Variants in SLC30A8 observed in about 807,000 individuals in gnomAD.
The protein encoded by SLC30A8 is solute carrier family 30 member 8.
In SLC30A8, 27 loss-of-function variants were observed where a neutral mutation model predicts 36.9. That is an observed-to-expected ratio of 0.73 (90% CI 0.54 to 1.01). The LOEUF (loss-of-function observed/expected upper bound fraction) is 1.01. Ranked by LOEUF, SLC30A8 falls within the 50% of genes least tolerant of loss-of-function variation. The pLI is 0.00. For missense variants in SLC30A8, 439 were observed against 452.0 expected (o/e 0.97, Z 0.26); for synonymous variants, 164 against 172.4 (o/e 0.95, Z 0.38).
chr8:117,132,160 G>T (rs980567949), upstream of SLC30A8, among the ~76,000 whole-genome samples: 2 of 151,976 alleles, frequency 1.3e-5, no homozygotes, highest in African/African-American at 4.8e-5. Context: ...TAAATATGGG[G>T]AACACAAATT....
At chr8:117,084,142 G>C (rs1016903372) in intron 2 of SLC30A8, among the ~76,000 whole-genome samples, 3 of 152,076 alleles carry the variant, frequency 2.0e-5, no homozygotes, top group East Asian at 1.9e-4. Flanking sequence ...GTACAACAAG[G>C]CTCCTTATTT....
Position 117,172,736 on chromosome 8 carries a change from T to C in SLC30A8, c.*55T>C. On this transcript the variant is annotated 3_prime_UTR_variant, in exon 8 of 8. Coordinates refer to ENST00000456015, the MANE Select transcript of SLC30A8 (RefSeq NM_173851.3). ...GACAGGCCACCTTCAAACATGCTGC[T>C]ATGCAGTTTCTGCATCATAGAAAAT... is the stretch of plus-strand genomic sequence containing the variant. 6.3e-7 allele frequency: 1 copy of C among 1,592,672 alleles called. No individual in the cohort carries two copies. Among genetic ancestry groups the C allele is most frequent in the Non-Finnish European group, 8.6e-7 (1 of 1,163,166 alleles).
At chr8:116,957,975 A>G (rs1563722158) in intron 1 of SLC30A8, among the ~76,000 whole-genome samples, 1 of 152,182 alleles carries the variant, frequency 6.6e-6, no homozygotes, top group Non-Finnish European at 1.5e-5. Context: ...TCTTCCCCAC[A>G]GGATCTATGC....
chr8:117,113,324 T>C (rs1400807604), intron 2 of SLC30A8, among the ~76,000 whole-genome samples: 3 of 152,184 alleles, frequency 2.0e-5, no homozygotes, highest in Non-Finnish European at 4.4e-5. Context: ...TCTGCTCTGA[T>C]GCTTGTAATG....
At chr8:117,074,523 G>A (rs917794810) in intron 2 of SLC30A8, among the ~76,000 whole-genome samples, 21 of 152,022 alleles carry the variant, frequency 1.4e-4, no homozygotes, top group African/African-American at 4.6e-4. Context: ...TTATTTCAGG[G>A]GGCATTGATG....
Position 117,085,873 on chromosome 8 carries a change from T to C in SLC30A8, c.-226+46615T>C, listed in dbSNP as rs1264705177. Among the ~76,000 whole-genome samples, 5 of 152,108 alleles carry C rather than the reference T, an allele frequency of 3.3e-5. No homozygotes were observed. In the East Asian group the frequency reaches 9.6e-4, roughly 29 times the overall value. ...ACAAGGAGCTTATGTGAGATAACTATAAAATAAAGTCCAAGACAAGAGTAA... is the reference window on the plus strand; with the variant it reads ...ACAAGGAGCTTATGTGAGATAACTACAAAATAAAGTCCAAGACAAGAGTAA... On this transcript the variant is annotated intron_variant, in intron 2 of 10. Coordinates refer to the SLC30A8 transcript ENST00000427715.
intron 4 of SLC30A8, among the ~76,000 whole-genome samples, chr8:117,159,378 G>T (rs1337354406): frequency 2.6e-5 from 4 of 152,120 alleles, no homozygotes; most frequent in African/African-American, 9.7e-5. Flanking sequence ...TTAAGAGGGG[G>T]CACAATGACA....
At chr8:117,059,464 A>G (rs1019190517) in intron 2 of SLC30A8, among the ~76,000 whole-genome samples, 3 of 152,206 alleles carry the variant, frequency 2.0e-5, no homozygotes, top group African/African-American at 7.2e-5. Context: ...TGTAACATCT[A>G]CTAGTATAGA....
chr8:117,067,947 G>A (rs955750350), intron 2 of SLC30A8, among the ~76,000 whole-genome samples: 5 of 152,128 alleles, frequency 3.3e-5, no homozygotes, highest in Non-Finnish European at 7.3e-5. Context: ...GTGGTGCAGG[G>A]CAGCAAACTG....
chr8:117,059,000 G>T (rs1391222468), intron 2 of SLC30A8, among the ~76,000 whole-genome samples: 1 of 150,854 alleles, frequency 6.6e-6, no homozygotes, highest in African/African-American at 2.5e-5. Flanking sequence ...AAATTGCAAG[G>T]ATAAAAGTTC....
In SLC30A8 at chr8:117,147,074, G is replaced by T. The variant is rs762011807; in HGVS notation, c.192G>T (p.Ala64=). The T allele has an allele frequency of 2.4e-5, 38 of 1,613,994 alleles. No individual in the cohort carries two copies. The South Asian group carries it at 4.1e-4, about 17-fold the overall frequency. Residue 64 remains alanine (A), a synonymous_variant, in exon 2 of 8, where the codon GCG becomes GCT. Transcript: ENST00000456015. ...HSGSKPTEKG[A]NEYAYAKWKL... is the part of the protein sequence containing the mutation. ...GCTCCAAGCCCACAGAAAAGGGGGC[G>T]AATGAGTACGCCTATGCCAAGTGGA... is the stretch of plus-strand genomic sequence containing the variant.
chr8:117,005,080 C>T (rs541432526), intron 1 of SLC30A8, among the ~76,000 whole-genome samples: 2 of 152,174 alleles, frequency 1.3e-5, no homozygotes, highest in Non-Finnish European at 2.9e-5. Flanking sequence ...GTTGTGTAAC[C>T]GTTACCACAG....
At position 117,152,998 on chromosome 8, in the gene SLC30A8, TTGACC is replaced by T; in HGVS notation, c.332_336del (p.Leu111GlnfsTer18). On this transcript the variant is annotated frameshift_variant, in exon 3 of 8. Transcript: ENST00000456015. LOFTEE classifies it high-confidence loss of function. ...GTCACAGATGCTGCCCACCTCTTAA[TTGACC>T]TGACCAGTTTCCTGCTCAGTCTCTT... 1 of 1,613,682 alleles carries T rather than the reference TTGACC, an allele frequency of 6.2e-7. No homozygotes were observed. The highest frequency in any genetic ancestry group is 1.1e-5 in the South Asian group (1 of 91,004).
intron 2 of SLC30A8, among the ~76,000 whole-genome samples, chr8:117,046,901 C>T (rs1030701464): frequency 2.6e-5 from 4 of 152,168 alleles, no homozygotes; most frequent in African/African-American, 9.7e-5. Flanking sequence ...CTATCTCAGC[C>T]TCTCCTTTTT....
At chr8:116,957,598 C>A (rs1814261056) in intron 1 of SLC30A8, among the ~76,000 whole-genome samples, 1 of 152,132 alleles carries the variant, frequency 6.6e-6, no homozygotes, top group Non-Finnish European at 1.5e-5. Flanking sequence ...TAAACTCAGG[C>A]AGTCAGCCCC....
At chr8:117,108,926 C>T (rs1820110017) in intron 2 of SLC30A8, among the ~76,000 whole-genome samples, 1 of 152,194 alleles carries the variant, frequency 6.6e-6, no homozygotes, top group Admixed American at 6.5e-5. Context: ...TCAGCGTCAC[C>T]CTTTTATTGG....
chr8:117,013,836 T>TA (rs1327487419), intron 1 of SLC30A8, among the ~76,000 whole-genome samples: 1 of 152,212 alleles, frequency 6.6e-6, no homozygotes, highest in African/African-American at 2.4e-5. Flanking sequence ...TAGAGATGTT[T>TA]AAAAACAAAG....
chr8:117,032,035 T>G (rs1817068784), intron 1 of SLC30A8, among the ~76,000 whole-genome samples: 1 of 152,208 alleles, frequency 6.6e-6, no homozygotes, highest in African/African-American at 2.4e-5. Flanking sequence ...TTCCCCAAAT[T>G]TATCTTGCGG....
rs990760346 is a variant in SLC30A8 at position 117,135,052 on chromosome 8, A to G, written c.-276A>G. On this transcript the variant is annotated 5_prime_UTR_variant, in exon 1 of 8. Transcript: ENST00000456015. ...ACAATTGAATCAGATATCATATGAAAGACATACACACTTCATGTAATGCTA... is the reference window on the plus strand; with the variant it reads ...ACAATTGAATCAGATATCATATGAAGGACATACACACTTCATGTAATGCTA... 1 of 280,758 alleles carries G rather than the reference A, an allele frequency of 3.6e-6. No homozygotes were observed. The allele number at this position is 280,758 out of a possible 1,614,324, so 17.4% of individuals were successfully genotyped here.
Sources: gnomAD v4.1 joint callset for allele counts (sites outside exome capture counted in the v4.1 genomes callset) on GRCh38, gnomAD v4.1.1 for gene constraint, MANE v1.5 for transcripts, NCBI Gene and HGNC (gene_info 2026-07-23, HGNC 2026-07-21) for gene names.